Variants in MMAA observed in about 807,000 individuals in gnomAD.
The protein encoded by MMAA is methylmalonic aciduria type A protein, mitochondrial.
In MMAA, 41 loss-of-function variants were observed where a neutral mutation model predicts 45.0. The observed-to-expected ratio is 0.91, with a 90% CI of 0.71 to 1.18. The LOEUF (loss-of-function observed/expected upper bound fraction) is 1.18, where lower values mean the gene tolerates loss of function less well. MMAA is among the 50% of genes most tolerant of loss of function. The pLI is 0.00. For missense variants in MMAA, 460 were observed against 495.7 expected, an observed-to-expected ratio of 0.93 and a Z score of 0.68; for synonymous variants, 154 against 178.2, an observed-to-expected ratio of 0.86 and a Z score of 1.08.
chr4:145,630,854 CATT>C (rs1734323036), intron 1 of MMAA, among the ~76,000 whole-genome samples: 1 of 152,098 alleles, frequency 6.6e-6, no homozygotes, highest in African/African-American at 2.4e-5. Flanking sequence ...GATGTGTTTC[CATT>C]ATTATTTGTT....
chr4:145,658,545 A>G lies in MMAA; in HGVS notation c.*3111A>G, dbSNP rs1367982997. The G allele has an allele frequency of 6.6e-6, 1 of 152,194 alleles. No homozygotes were observed. Among genetic ancestry groups the G allele is most frequent in the Non-Finnish European group, 1.5e-5 (1 of 68,030 alleles). 9.4% of individuals were successfully genotyped at this position (152,194 alleles called of 1,614,324 possible). ...AATAGTTGACAGTAGCTATCCCAAT[A>G]CAACCTAACAAGGCATTTTCTCTTC... On this transcript the variant is annotated 3_prime_UTR_variant, in exon 7 of 7. Transcript: ENST00000649156.
intron 3 of MMAA, among the ~76,000 whole-genome samples, chr4:145,644,891 G>A (rs1727883821): frequency 1.3e-5 from 2 of 152,186 alleles, no homozygotes; most frequent in South Asian, 4.1e-4. Context: ...GATGCCAGTA[G>A]CACCCTACCC....
At chr4:145,619,798 C>A (rs760404110) in intron 1 of MMAA, among the ~76,000 whole-genome samples, 30 of 152,142 alleles carry the variant, frequency 2.0e-4, no homozygotes, top group Admixed American at 1.3e-4. Flanking sequence ...CAGAGAAAGC[C>A]ACTATGACTC....
intron 1 of MMAA, chr4:145,625,817 C>G (rs1312533835): frequency 1.7e-6 from 2 of 1,160,258 alleles, no homozygotes; most frequent in Non-Finnish European, 1.3e-6. Context: ...TGAGGTCCAC[C>G]TGTTCATTTA....
At chr4:145,639,641 T>A in intron 2 of MMAA, 63 bp downstream of exon 2, 3 of 1,542,816 alleles carry the variant, frequency 1.9e-6, no homozygotes, top group Non-Finnish European at 1.7e-6. Flanking sequence ...TTCTGTTTTT[T>A]AAAAAAAAGT....
At chr4:145,642,784 A>G in intron 3 of MMAA, 1 of 384,012 alleles carries the variant, frequency 2.6e-6, no homozygotes, top group Non-Finnish European at 4.9e-6. Context: ...GCATAAGGCC[A>G]GGCCCCTCTT....
rs1240519363 is a variant in MMAA, at chr4:145,654,081, C to T, written c.907C>T (p.Gln303Ter). The T allele has an allele frequency of 6.2e-7, 1 of 1,614,110 alleles. No homozygotes were observed. The highest frequency in any genetic ancestry group is 1.1e-5 in the South Asian group (1 of 91,082). The change falls in exon 6 of 7, where the codon CAA (glutamine) becomes TAA (stop). Residue 303 changes from glutamine (Q) to a stop codon, truncating the protein, a stop_gained. Coordinates refer to ENST00000649156, the MANE Select transcript of MMAA (RefSeq NM_172250.3). LOFTEE classifies it high-confidence loss of function. ...CTTGATTGTGCCAGCTCGAAGGATA[C>T]AAGCGGAATATGTGAGTGCACTGAA... is the stretch of plus-strand genomic sequence containing the variant. ...GDLIVPARRIQAEYVSALKLL... is the reference protein window; with the variant it reads ...GDLIVPARRI
chr4:145,655,005 C>G, intron 6 of MMAA, 142 bp from the exon 7 acceptor site: 1 of 841,428 alleles, frequency 1.2e-6, no homozygotes, highest in Non-Finnish European at 1.9e-6. Context: ...GGTATATTTA[C>G]TTTGACACAG....
At chr4:145,640,045 C>T (rs904229579) in intron 2 of MMAA, among the ~76,000 whole-genome samples, 1 of 151,996 alleles carries the variant, frequency 6.6e-6, no homozygotes, top group Admixed American at 6.6e-5. Context: ...TTGAGTTTCT[C>T]GGAGTGACTG....
chr4:145,626,105 C>T (rs4835238), intron 1 of MMAA: 127,799 of 611,794 alleles, frequency 0.21, 15,034 homozygotes, highest in East Asian at 0.48. Context: ...GACTGAGACA[C>T]GGCCCCACAC....
intron 1 of MMAA, chr4:145,624,674 CT>C: frequency 6.7e-7 from 1 of 1,481,996 alleles, no homozygotes; most frequent in Non-Finnish European, 9.3e-7. Flanking sequence ...GTTTCTCAGG[CT>C]CAGGTTTGGG....
intron 3 of MMAA, 189 bp downstream of exon 3, chr4:145,642,674 G>A: frequency 1.4e-6 from 1 of 738,038 alleles, no homozygotes. Flanking sequence ...CTCAGAGGAG[G>A]CCAGCTTGTG....
Position 145,642,464 on chromosome 4 carries a change from C to G in MMAA, c.541C>G (p.Pro181Ala). The G allele has an allele frequency of 1.2e-6, 2 of 1,614,040 alleles. No homozygotes were observed. Among genetic ancestry groups the G allele is most frequent in the Non-Finnish European group, 1.7e-6 (2 of 1,179,984 alleles). The change falls in exon 3 of 7, where the codon CCT becomes GCT. Residue 181 changes from proline (P) to alanine (A), a missense_variant. Transcript: ENST00000649156. ...CAAATTATCTGTGCTAGCTGTGGACCCTTCTTCTTGTACTAGTGGTGGTAA... is the reference window on the plus strand; with the variant it reads ...CAAATTATCTGTGCTAGCTGTGGACGCTTCTTCTTGTACTAGTGGTGGTAA... ...GHKLSVLAVD[P>A]SSCTSGGSLL...
Position 145,659,385 on chromosome 4 carries a change from T to C in MMAA, c.*3951T>C, listed in dbSNP as rs1285486430. On this transcript the variant is annotated 3_prime_UTR_variant, in exon 7 of 7. Coordinates refer to ENST00000649156, the MANE Select transcript of MMAA (RefSeq NM_172250.3). ...ACTCTGTACTAGAAAATGTAGATGA[T>C]GTGAGTCAAAGTTCATTAATATTTA... 1.3e-5 allele frequency: 2 copies of C among 152,188 alleles called. No individual in the cohort carries two copies. The highest frequency in any genetic ancestry group is 4.8e-5 in the African/African-American group (2 of 41,448). The allele number at this position is 152,188 out of a possible 1,614,324, so 9.4% of individuals were successfully genotyped here. A position where few individuals can be genotyped will look rare whatever the true frequency, so the allele number is the denominator to read the frequency against.
intron 3 of MMAA, among the ~76,000 whole-genome samples, chr4:145,644,885 C>G (rs924029708): frequency 1.3e-5 from 2 of 152,158 alleles, no homozygotes; most frequent in Admixed American, 1.3e-4. Flanking sequence ...CCAGTAGATG[C>G]CAGTAGCACC....
At position 145,651,148 on chromosome 4, in the gene MMAA, G is replaced by A. The variant is rs1728078285; in HGVS notation, c.819+1G>A. On this transcript the variant is annotated splice_donor_variant, in intron 5 of 6. Coordinates refer to ENST00000649156, the MANE Select transcript of MMAA (RefSeq NM_172250.3). LOFTEE classifies it high-confidence loss of function. ...ACCAGCAGGAGGAGATGAGCTGCAG[G>A]TAATTATTTTTATTTTTTCCCCCAA... is the stretch of plus-strand genomic sequence containing the variant. The A allele has an allele frequency of 1.9e-6, 3 of 1,612,838 alleles. No homozygotes were observed. Among genetic ancestry groups the A allele is most frequent in the Non-Finnish European group, 2.5e-6 (3 of 1,179,008 alleles).
intron 1 of MMAA, chr4:145,624,489 T>C: frequency 1.0e-6 from 1 of 962,110 alleles, no homozygotes; most frequent in Non-Finnish European, 1.6e-6. Context: ...AGGACTTCCT[T>C]CTTTGTATGG....
chr4:145,646,124 C>G lies in MMAA; in HGVS notation c.701C>G (p.Ala234Gly), dbSNP rs367609164. Residue 234 changes from alanine (A) to glycine (G), a missense_variant, in exon 4 of 7, where the codon GCG becomes GGG. Ala to Gly is a moderately conservative substitution (Grantham distance 60). Coordinates refer to ENST00000649156, the MANE Select transcript of MMAA (RefSeq NM_172250.3). ...GAAGCTATTCTGTTGTGTGAAGGAG[C>G]GGGATATGACATAATTCTTATTGAA... ...TNEAILLCEG[A>G]GYDIILIETV... 6.2e-7 allele frequency: 1 copy of G among 1,613,950 alleles called. No individual in the cohort carries two copies. The highest frequency in any genetic ancestry group is 1.7e-5 in the Admixed American group (1 of 60,004).
chr4:145,632,244 A>C (rs187590243), intron 1 of MMAA, among the ~76,000 whole-genome samples: 4 of 152,212 alleles, frequency 2.6e-5, no homozygotes, highest in Admixed American at 2.6e-4. Flanking sequence ...TTTCTCCTTC[A>C]TGTTTGGATA....
Sources: allele counts gnomAD v4.1 joint callset (sites outside exome capture counted in the v4.1 genomes callset), GRCh38; gene constraint gnomAD v4.1.1; transcripts MANE v1.5; gene names NCBI Gene and HGNC (gene_info 2026-07-23, HGNC 2026-07-21).